DOP1A: variants seen among roughly 807,000 people sequenced by gnomAD.
The protein encoded by DOP1A is protein DOP1A.
Under a neutral mutation model 267.6 loss-of-function variants are expected in DOP1A, and 90 were observed. The observed-to-expected ratio is 0.34, with a 90% CI of 0.28 to 0.40. The LOEUF is 0.40. Among genes scored for constraint, DOP1A ranks in the 10% least tolerant of loss-of-function variants. The pLI, the probability that DOP1A is intolerant of heterozygous loss-of-function variation, is 1.00. For synonymous variants in DOP1A, 932 were observed against 999.1 expected (o/e 0.93, Z 1.27); for missense variants, 2,437 against 2,900.4 (o/e 0.84, Z 3.67).
intron 36 of DOP1A, among the ~76,000 whole-genome samples, chr6:83,159,148 T>C (rs1783579907): frequency 6.6e-6 from 1 of 152,250 alleles, no homozygotes; most frequent in South Asian, 2.1e-4. Flanking sequence ...AGTAGATTTA[T>C]AAAAAGGATC....
At chr6:83,099,680 ATGTGTGTGTGTGTG>A (rs373165064) in intron 3 of DOP1A, among the ~76,000 whole-genome samples, 5 of 138,916 alleles carry the variant, frequency 3.6e-5, no homozygotes, top group African/African-American at 1.0e-4. Flanking sequence ...AGGATTGCAT[ATGTGTGTGTGTGTG>A]TGTGTGTGTG....
Position 83,110,245 on chromosome 6 carries a change from T to A in DOP1A, c.612T>A (p.Leu204=), listed in dbSNP as rs142902652. The A allele has an allele frequency of 2.5e-5, 40 of 1,614,092 alleles. No individual in the cohort carries two copies. The African/African-American group carries it at 4.9e-4, about 20-fold the overall frequency. Residue 204 remains leucine, a synonymous_variant, in exon 6 of 39, where the codon CTT becomes CTA. Coordinates refer to ENST00000349129, the MANE Select transcript of DOP1A (RefSeq NM_015018.4). ...GTTTACCTGGAATCACGTATGTTCT[T>A]GCCCATTTAAACAGGAAGCTTTCTA... ...AVRLPGITYV[L]AHLNRKLSME... is the part of the protein sequence containing the mutation.
chr6:83,074,845 A>G (rs1766783790), intron 1 of DOP1A, among the ~76,000 whole-genome samples: 1 of 152,236 alleles, frequency 6.6e-6, no homozygotes, highest in Non-Finnish European at 1.5e-5. Context: ...CCAAGGCCAG[A>G]GGATTGCTTG....
At chr6:83,117,410 A>G (rs1269732404) in intron 7 of DOP1A, among the ~76,000 whole-genome samples, 1 of 152,148 alleles carries the variant, frequency 6.6e-6, no homozygotes, top group African/African-American at 2.4e-5. Context: ...TTGGCCTCCC[A>G]AAGTGCTGGG....
Position 83,137,949 on chromosome 6 carries a change from G to A in DOP1A, c.3907G>A (p.Ala1303Thr), listed in dbSNP as rs1247072727. 2.5e-6 allele frequency: 4 copies of A among 1,603,674 alleles called. No homozygotes were observed. The highest frequency in any genetic ancestry group is 2.7e-5 in the African/African-American group (2 of 74,082). ...AGGAGCAAAACCTAAAGTAAAACTTGCCAGAAAAAAGGATGATGACAAGAA... is the reference window on the plus strand; with the variant it reads ...AGGAGCAAAACCTAAAGTAAAACTTACCAGAAAAAAGGATGATGACAAGAA... Reference protein sequence around the residue: ...QPGAKPKVKLARKKDDDKKKS... With the variant: ...QPGAKPKVKLTRKKDDDKKKS... Residue 1303 changes from alanine to threonine, a missense_variant, in exon 21 of 39, where the codon GCC becomes ACC. By Grantham distance (58) the Ala-to-Thr change is moderately conservative. Transcript: ENST00000349129.
At chr6:83,126,401 G>C (rs1041442203) in intron 15 of DOP1A, among the ~76,000 whole-genome samples, 2 of 151,994 alleles carry the variant, frequency 1.3e-5, no homozygotes, top group African/African-American at 2.4e-5. Flanking sequence ...TTTCACCGGG[G>C]ACCCGTCCCT....
intron 38 of DOP1A, chr6:83,166,927 T>C (rs1206873466): frequency 7.1e-6 from 7 of 987,252 alleles, no homozygotes; most frequent in African/African-American, 1.7e-5. Flanking sequence ...GTCTAGTTCA[T>C]TGCTTATTTT....
At chr6:83,159,667 G>A (rs2128404134) in intron 36 of DOP1A, 129 bp from the exon 37 acceptor site, 5 of 1,001,150 alleles carry the variant, frequency 5.0e-6, no homozygotes, top group Non-Finnish European at 7.6e-6. Flanking sequence ...TCATGACCTT[G>A]CTTAGCAATT....
chr6:83,105,357 T>C (rs1582952093), intron 4 of DOP1A, among the ~76,000 whole-genome samples: 1 of 38,868 alleles, frequency 2.6e-5, no homozygotes, highest in African/African-American at 8.2e-5. Flanking sequence ...GATGTCTTTC[T>C]TTTTTTTTTT....
intron 4 of DOP1A, among the ~76,000 whole-genome samples, chr6:83,107,466 TA>T (rs1325439512): frequency 2.6e-5 from 4 of 152,334 alleles, no homozygotes; most frequent in African/African-American, 7.2e-5. Context: ...GAGAGATTCC[TA>T]ATTCATTTGT....
rs144524256 is a variant in DOP1A, at chr6:83,122,929, C to T, written c.1287C>T (p.Phe429=). ...CTGCTAACCTTCTCTTTAATTCCTT[C>T]GAACCTTATTATATGTGGGATTATG... The part of the protein sequence containing the change: ...IKTANLLFNS[F]EPYYMWDYVA... Residue 429 remains phenylalanine, a synonymous_variant, in exon 12 of 39, where the codon TTC becomes TTT. Transcript: ENST00000349129. 2.0e-5 allele frequency: 32 copies of T among 1,576,510 alleles called. No homozygotes were observed. The highest frequency in any genetic ancestry group is 3.8e-4 in the Middle Eastern group (2 of 5,320).
chr6:83,167,080 AATT>A, intron 38 of DOP1A: 1 of 983,960 alleles, frequency 1.0e-6, no homozygotes, highest in Non-Finnish European at 1.2e-6. Context: ...TTAATACCCA[AATT>A]ATTAGTCTTT....
chr6:83,170,800 G>A (rs746834444), downstream of DOP1A: 7 of 192,094 alleles, frequency 3.6e-5, no homozygotes, highest in South Asian at 3.3e-4. Context: ...TAAGAAGACC[G>A]ATAAGAATTT....
downstream of DOP1A, chr6:83,169,671 G>C (rs1169832033): frequency 4.3e-6 from 2 of 465,172 alleles, no homozygotes; most frequent in African/African-American, 2.0e-5. Flanking sequence ...CATCCATCAT[G>C]GATATTCATT....
chr6:83,125,811 A>C, intron 15 of DOP1A, 78 bp downstream of exon 15: 1 of 1,202,474 alleles, frequency 8.3e-7, no homozygotes, highest in Non-Finnish European at 1.2e-6. Flanking sequence ...AAAATCACTT[A>C]TACATAAGCA....
chr6:83,155,998 C>G lies in DOP1A; in HGVS notation c.6499C>G (p.Arg2167Gly), dbSNP rs1782711663. The G allele has an allele frequency of 6.2e-7, 1 of 1,613,972 alleles. No homozygotes were observed. The highest frequency in any genetic ancestry group is 1.3e-5 in the African/African-American group (1 of 75,028). Residue 2167 changes from arginine to glycine, a missense_variant, in exon 34 of 39, where the codon CGT becomes GGT. Arg to Gly is a moderately radical substitution (Grantham distance 125). Around this residue, in one of 9 missense-constraint regions of DOP1A, gnomAD observed 75 missense variants for 149.6 expected, o/e 0.50. Coordinates refer to ENST00000349129, the MANE Select transcript of DOP1A (RefSeq NM_015018.4). ...CAGTTCACTTAATCTCTTTGCAAAC[C>G]GTGATGTGGAGCTAGAACAGAGAGC... ...QSSSLNLFAN[R>G]DVELEQRAML...
chr6:83,139,238 C>A, intron 21 of DOP1A, 76 bp downstream of exon 21: 2 of 1,145,494 alleles, frequency 1.7e-6, no homozygotes, highest in Non-Finnish European at 2.5e-6. Flanking sequence ...GAAAGTTGGT[C>A]ACAACTTGAG....
At position 83,140,255 on chromosome 6, in the gene DOP1A, A is replaced by G; in HGVS notation, c.5267A>G (p.Glu1756Gly). The change falls in exon 23 of 39, where the codon GAA becomes GGA. Residue 1756 changes from glutamate to glycine, a missense_variant. Transcript: ENST00000349129. ...LVSVDQKHLF[E>G]ARSGILSILH... ...AGTGTAGACCAGAAACACTTGTTTG[A>G]AGCACGCAGTGGAATCCTCTCAATC... is the stretch of plus-strand genomic sequence containing the variant. 1 of 1,613,190 alleles carries G rather than the reference A, an allele frequency of 6.2e-7. No homozygotes were observed. The highest frequency in any genetic ancestry group is 1.3e-5 in the African/African-American group (1 of 75,044).
intron 1 of DOP1A, among the ~76,000 whole-genome samples, chr6:83,089,240 T>A (rs1488456586): frequency 1.3e-5 from 2 of 152,246 alleles, no homozygotes; most frequent in African/African-American, 2.4e-5. Flanking sequence ...ACTCACTTTT[T>A]ATCACCATTT....
Sources: gnomAD v4.1 joint callset for allele counts (sites outside exome capture counted in the v4.1 genomes callset) on GRCh38, gnomAD v4.1.1 for gene constraint, gnomAD v4.1.1 regional missense constraint, MANE v1.5 for transcripts, NCBI Gene and HGNC (gene_info 2026-07-23, HGNC 2026-07-21) for gene names.